Variants in RFTN1 observed in about 807,000 individuals in gnomAD.
The protein encoded by RFTN1 is raftlin.
Under a neutral mutation model 46.5 loss-of-function variants are expected in RFTN1, and 26 were observed. The observed-to-expected ratio is 0.56, with a 90% confidence interval of 0.41 to 0.78. The LOEUF (loss-of-function observed/expected upper bound fraction) is 0.78, where lower values mean the gene tolerates loss of function less well. Among genes scored for constraint, RFTN1 ranks in the 30% least tolerant of loss-of-function variants. The pLI is 0.00. For missense variants in RFTN1, 693 were observed against 718.7 expected, an observed-to-expected ratio of 0.96 and a Z score of 0.41; for synonymous variants, 261 against 284.2, an observed-to-expected ratio of 0.92 and a Z score of 0.82.
Position 16,506,075 on chromosome 3 carries a change from C to T in RFTN1, c.-9+7367G>A, listed in dbSNP as rs1035620056. 2.0e-5 allele frequency among the ~76,000 whole-genome samples: 3 copies of T among 151,996 alleles called. No individual in the cohort carries two copies. The highest frequency in any genetic ancestry group is 7.3e-5 in the African/African-American group (3 of 41,338). On this transcript the variant is annotated intron_variant, in intron 1 of 9. Coordinates refer to ENST00000334133, the MANE Select transcript of RFTN1 (RefSeq NM_015150.2). This position sits in a 1 kb window ranked among gnomAD's most constrained non-coding sequence, Gnocchi z 4.8. ...CACAAAATCCCATTTTTAAAGTATG[C>T]CAACTAGAAAACAACAATGCAGGGG...
chr3:16,392,974 G>A (rs1323034640), intron 4 of RFTN1, among the ~76,000 whole-genome samples: 1 of 152,172 alleles, frequency 6.6e-6, no homozygotes, highest in Admixed American at 6.5e-5. Flanking sequence ...GGCCCTGCAA[G>A]CCTTGGAAAC....
intron 5 of RFTN1, among the ~76,000 whole-genome samples, chr3:16,375,383 G>T (rs897478847): frequency 4.6e-5 from 7 of 151,712 alleles, no homozygotes; most frequent in African/African-American, 1.5e-4. Flanking sequence ...ACTATATGGG[G>T]GTATAAAAGG....
chr3:16,502,361 G>A (rs1273209680), intron 1 of RFTN1, among the ~76,000 whole-genome samples: 1 of 150,350 alleles, frequency 6.7e-6, no homozygotes, highest in East Asian at 1.9e-4. Flanking sequence ...CCCAGCCTGG[G>A]CAACGGAGTG....
Position 16,418,283 on chromosome 3 carries a change from C to T in RFTN1, c.333-8800G>A, listed in dbSNP as rs767207460. On this transcript the variant is annotated intron_variant, in intron 3 of 9. Coordinates refer to ENST00000334133, the MANE Select transcript of RFTN1 (RefSeq NM_015150.2). The surrounding 1 kb of genome is among the most constrained non-coding windows in gnomAD (Gnocchi z 5.0). ...CGAAAAACTATTATAAACTATACTT[C>T]TAAAAAATAAGCATGTGACTAAAAA... Among the ~76,000 whole-genome samples, 4 of 152,098 alleles carry T rather than the reference C, an allele frequency of 2.6e-5. No homozygotes were observed. Among genetic ancestry groups the T allele is most frequent in the Non-Finnish European group, 5.9e-5 (4 of 68,004 alleles).
rs2076342209 is a variant in RFTN1, at chr3:16,480,164, A to G, written c.145+13561T>C. On this transcript the variant is annotated intron_variant, in intron 2 of 9. Coordinates refer to ENST00000334133, the MANE Select transcript of RFTN1 (RefSeq NM_015150.2). The surrounding 1 kb of genome is among the most constrained non-coding windows in gnomAD (Gnocchi z 4.3). ...TTTGCCAGACAAGACTGCTTTCTCC[A>G]AAAAGAAAAGTCCACCCACAAGCTT... is the stretch of plus-strand genomic sequence containing the variant. Among the ~76,000 whole-genome samples the G allele has an allele frequency of 6.6e-6, 1 of 152,258 alleles. No homozygotes were observed. Among genetic ancestry groups the G allele is most frequent in the Non-Finnish European group, 1.5e-5 (1 of 68,044 alleles).
At position 16,341,982 on chromosome 3, in the gene RFTN1, G is replaced by C. The variant is rs28499153; in HGVS notation, c.1147-15106C>G. Among the ~76,000 whole-genome samples the C allele has an allele frequency of 0.048, 7,289 of 152,112 alleles. 209 individuals are homozygous for C. The highest frequency in any genetic ancestry group is 0.085 in the Middle Eastern group (25 of 294). On this transcript the variant is annotated intron_variant, in intron 7 of 9. Transcript: ENST00000334133. The surrounding 1 kb of genome is among the most constrained non-coding windows in gnomAD (Gnocchi z 4.7). ...GGGGTTTACTTTGCTTTCTTTTCTT[G>C]ACCTGTATTTTCTAAATTATCTTTA... is the stretch of plus-strand genomic sequence containing the variant.
intron 2 of RFTN1, among the ~76,000 whole-genome samples, chr3:16,438,539 C>T (rs1384667246): frequency 5.1e-5 from 6 of 117,978 alleles, no homozygotes; most frequent in African/African-American, 6.6e-5. Flanking sequence ...GAGCTGAAAT[C>T]GTGCCACTGC....
At chr3:16,318,970 C>T (rs1197139985) in intron 9 of RFTN1, among the ~76,000 whole-genome samples, 2 of 152,196 alleles carry the variant, frequency 1.3e-5, no homozygotes, top group Non-Finnish European at 2.9e-5. Flanking sequence ...CTCGAGGCTC[C>T]AAACCCACCA....
chr3:16,437,762 T>A (rs1235665449), intron 2 of RFTN1, among the ~76,000 whole-genome samples: 1 of 152,140 alleles, frequency 6.6e-6, no homozygotes, highest in Non-Finnish European at 1.5e-5. Context: ...CTTTATTTAT[T>A]ATAAATGTTG....
chr3:16,433,978 G>C lies in RFTN1; in HGVS notation c.205C>G (p.Leu69Val), dbSNP rs776552641. 6.2e-7 allele frequency: 1 copy of C among 1,613,666 alleles called. No homozygotes were observed. Among genetic ancestry groups the C allele is most frequent in the Non-Finnish European group, 8.5e-7 (1 of 1,179,944 alleles). The stretch of plus-strand genomic sequence containing the variant: ...AAGCCCTGCTGGTACAGCTCCAGGA[G>C]CTGGGCGGGCAGGTCACGCAGGGAG... ...LASLRDLPAQLLELYQQGFSL... is the reference protein window; with the variant it reads ...LASLRDLPAQVLELYQQGFSL... Residue 69 changes from leucine (L) to valine (V), a missense_variant, in exon 3 of 10, where the codon CTC (leucine) becomes GTC (valine). By Grantham distance (32) the Leu-to-Val change is conservative (BLOSUM62 1). Coordinates refer to ENST00000334133, the MANE Select transcript of RFTN1 (RefSeq NM_015150.2). This position sits in a 1 kb window ranked among gnomAD's most constrained non-coding sequence, Gnocchi z 4.4.
At chr3:16,487,018 C>A (rs1161288086) in intron 2 of RFTN1, among the ~76,000 whole-genome samples, 3 of 152,170 alleles carry the variant, frequency 2.0e-5, no homozygotes, top group African/African-American at 7.2e-5. Context: ...TGTGAGGACA[C>A]AATGAGAAGG....
Position 16,440,629 on chromosome 3 carries a change from G to A in RFTN1, c.146-6592C>T, listed in dbSNP as rs1559348803. On this transcript the variant is annotated intron_variant, in intron 2 of 9. Coordinates refer to ENST00000334133, the MANE Select transcript of RFTN1 (RefSeq NM_015150.2). The surrounding 1 kb of genome is among the most constrained non-coding windows in gnomAD (Gnocchi z 4.6). Reference sequence around the variant, plus strand: ...GTAAACAAGAGACATGAGCCAGGGGGACAGCAATGAACACCGAGGCCCCAT... The same window carrying A: ...GTAAACAAGAGACATGAGCCAGGGGAACAGCAATGAACACCGAGGCCCCAT... Among the ~76,000 whole-genome samples the A allele has an allele frequency of 6.6e-6, 1 of 151,914 alleles. No homozygotes were observed. The highest frequency in any genetic ancestry group is 2.4e-5 in the African/African-American group (1 of 41,286).
chr3:16,358,882 A>C (rs1221836089), intron 6 of RFTN1, among the ~76,000 whole-genome samples: 3 of 152,008 alleles, frequency 2.0e-5, no homozygotes, highest in Non-Finnish European at 4.4e-5. Flanking sequence ...AATACAAAAA[A>C]TTAGCTGGGC....
chr3:16,373,442 G>T (rs2073608662), intron 5 of RFTN1, among the ~76,000 whole-genome samples: 1 of 152,250 alleles, frequency 6.6e-6, no homozygotes, highest in African/African-American at 2.4e-5. Flanking sequence ...TTGGAGCCTG[G>T]TCCATTCAGG....
Position 16,452,714 on chromosome 3 carries a change from G to A in RFTN1, c.146-18677C>T, listed in dbSNP as rs925658218. Among the ~76,000 whole-genome samples the A allele has an allele frequency of 2.0e-5, 3 of 152,212 alleles. No homozygotes were observed. The highest frequency in any genetic ancestry group is 4.4e-5 in the Non-Finnish European group (3 of 68,032). ...TCAGTGTTGCCAGGCCCTTCAGTAA[G>A]ATGAGGAATGGAAGACATCCACTGG... On this transcript the variant is annotated intron_variant, in intron 2 of 9. Coordinates refer to ENST00000334133, the MANE Select transcript of RFTN1 (RefSeq NM_015150.2). The surrounding 1 kb of genome is among the most constrained non-coding windows in gnomAD (Gnocchi z 6.3).
At chr3:16,358,486 T>C (rs932144917) in intron 6 of RFTN1, among the ~76,000 whole-genome samples, 1 of 151,970 alleles carries the variant, frequency 6.6e-6, no homozygotes, top group Non-Finnish European at 1.5e-5. Flanking sequence ...ACACCAGATC[T>C]GAGCTTGTCA....
At position 16,353,722 on chromosome 3, in the gene RFTN1, TAAG is replaced by T. The variant is rs1375588983; in HGVS notation, c.1146+4207_1146+4209del. ...TGATTGAACAGGATTAGTGTCCTTA[TAAG>T]AAGAGACACCAGAGTAGCCCCCTCC... On this transcript the variant is annotated intron_variant, in intron 7 of 9. Transcript: ENST00000334133. The surrounding 1 kb of genome is among the most constrained non-coding windows in gnomAD (Gnocchi z 5.4). Among the ~76,000 whole-genome samples, 1 of 152,144 alleles carries T rather than the reference TAAG, an allele frequency of 6.6e-6. No individual in the cohort carries two copies. The highest frequency in any genetic ancestry group is 1.5e-5 in the Non-Finnish European group (1 of 68,034).
intron 4 of RFTN1, among the ~76,000 whole-genome samples, chr3:16,386,462 A>G (rs1361555789): frequency 6.6e-6 from 1 of 152,212 alleles, no homozygotes; most frequent in Admixed American, 6.5e-5. Flanking sequence ...ATATTGGGCA[A>G]CTTCCCCAAG....
At chr3:16,333,999 A>G (rs965969983) in intron 7 of RFTN1, among the ~76,000 whole-genome samples, 4 of 152,142 alleles carry the variant, frequency 2.6e-5, no homozygotes, top group African/African-American at 9.7e-5. Flanking sequence ...CCCCGTCTCT[A>G]CTAAAAATTT....
Sources: allele counts gnomAD v4.1 joint callset (sites outside exome capture counted in the v4.1 genomes callset), GRCh38; gene constraint gnomAD v4.1.1; non-coding constraint Gnocchi (gnomAD v3.1); transcripts MANE v1.5; gene names NCBI Gene and HGNC (gene_info 2026-07-23, HGNC 2026-07-21).